LMF1: variants seen among roughly 807,000 people sequenced by gnomAD.
The protein encoded by LMF1 is lipase maturation factor 1.
LMF1 carries 68 observed loss-of-function variants against 60.6 expected under a neutral mutation model. That is an observed-to-expected ratio of 1.12 (90% CI 0.92 to 1.37). The LOEUF (loss-of-function observed/expected upper bound fraction) is 1.37, where lower values mean the gene tolerates loss of function less well. LMF1 is among the 40% of genes most tolerant of loss of function. The probability of loss-of-function intolerance (pLI) is 0.00; values close to 1 mark genes in which losing one functional copy is unlikely to be tolerated. For missense variants in LMF1, 948 were observed against 767.2 expected, an observed-to-expected ratio of 1.24 and a Z score of -2.78; for synonymous variants, 418 against 324.7, an observed-to-expected ratio of 1.29 and a Z score of -3.09.
At position 870,819 on chromosome 16, in the gene LMF1, G is replaced by A. The variant is rs1408203743; in HGVS notation, c.1142C>T (p.Pro381Leu). The A allele has an allele frequency of 6.2e-7, 1 of 1,612,552 alleles. No homozygotes were observed. The highest frequency in any genetic ancestry group is 1.7e-5 in the Admixed American group (1 of 60,024). The change falls in exon 8 of 11, where the codon CCC (proline) becomes CTC (leucine). Residue 381 changes from proline (P) to leucine (L), a missense_variant. Transcript: ENST00000262301. Reference sequence around the variant, plus strand: ...GGAGCTCAGCAAGTTGAGGACCACGGGCACGCTGAGCCAGGCCAGCAGGAC... The same window carrying A: ...GGAGCTCAGCAAGTTGAGGACCACGAGCACGCTGAGCCAGGCCAGCAGGAC... ...LGVLLAWLSV[P>L]VVLNLLSSRQ...
chr16:968,460 C>T (rs761386564), intron 1 of LMF1: 1 of 152,126 alleles, frequency 6.6e-6, no homozygotes, highest in Non-Finnish European at 1.5e-5. Flanking sequence ...TTTGGAGAGC[C>T]CCTATGGCAA....
rs58833625 is a variant in LMF1, at chr16:857,215, G to A, written c.1530-2509C>T. Among the ~76,000 whole-genome samples, 518 of 152,338 alleles carry A rather than the reference G, an allele frequency of 3.4e-3. 2 individuals carry two copies. Among genetic ancestry groups the A allele is most frequent in the African/African-American group, 0.011 (445 of 41,560 alleles). On this transcript the variant is annotated intron_variant, in intron 10 of 10. Transcript: ENST00000262301. ...GCAGTTTTTGTCTGTGACGGCTGCCGTAAACCTCTGCACGGGTTTCTGCGT... is the reference window on the plus strand; with the variant it reads ...GCAGTTTTTGTCTGTGACGGCTGCCATAAACCTCTGCACGGGTTTCTGCGT...
intron 4 of LMF1, among the ~76,000 whole-genome samples, chr16:905,936 TG>T (rs1240752977): frequency 2.0e-5 from 3 of 152,216 alleles, no homozygotes; most frequent in Admixed American, 1.3e-4. Context: ...TTAATTTTTT[TG>T]TGTGTCCTAA....
At position 954,469 on chromosome 16, in the gene LMF1, G is replaced by T. The variant is rs777212924; in HGVS notation, c.391C>A (p.Leu131Ile). 18 of 1,612,812 alleles carry T rather than the reference G, an allele frequency of 1.1e-5. No individual in the cohort carries two copies. The highest frequency in any genetic ancestry group is 1.5e-5 in the Non-Finnish European group (18 of 1,179,556). The change falls in exon 2 of 11, where the codon CTT (leucine) becomes ATT (isoleucine). Residue 131 changes from leucine (L) to isoleucine (I), a missense_variant. By Grantham distance (5) the Leu-to-Ile change is conservative. Coordinates refer to ENST00000262301, the MANE Select transcript of LMF1 (RefSeq NM_022773.4). ...DMNSNLDLLA[L>I]LGLGISSFVL... is the part of the protein sequence containing the mutation. ...AAAGACGAGATGCCCAGTCCGAGAA[G>T]AGCCAGCAAGTCCAGGTTGGAGTTC...
At position 859,925 on chromosome 16, in the gene LMF1, C is replaced by T. The variant is rs113594858; in HGVS notation, c.1530-5219G>A. 5.5e-4 allele frequency among the ~76,000 whole-genome samples: 17 copies of T among 30,868 alleles called. 2 individuals carry two copies. Among genetic ancestry groups the T allele is most frequent in the African/African-American group, 2.1e-3 (11 of 5,132 alleles). The allele number at this position is 30,868 out of a possible 152,430, so 20.3% of individuals were successfully genotyped here. On this transcript the variant is annotated intron_variant, in intron 10 of 10. Coordinates refer to ENST00000262301, the MANE Select transcript of LMF1 (RefSeq NM_022773.4). ...TGGGTGTGCAGTGGTGTCACGGGAT[C>T]GGTGTGAGTGGTGTCACGGGATGGG...
intron 2 of LMF1, among the ~76,000 whole-genome samples, chr16:948,072 T>C: frequency 1.0e-5 from 1 of 99,376 alleles, no homozygotes; most frequent in Admixed American, 1.2e-4. Context: ...AACGACAGAC[T>C]TAGAGACAAC....
At chr16:870,618 G>T in intron 8 of LMF1, 111 bp downstream of exon 8, 1 of 1,285,618 alleles carries the variant, frequency 7.8e-7, no homozygotes, top group Non-Finnish European at 1.1e-6. Flanking sequence ...GTGGGGCAGG[G>T]GACACTTGGG....
intron 2 of LMF1, among the ~76,000 whole-genome samples, chr16:945,084 G>A (rs1002881289): frequency 6.6e-6 from 1 of 151,800 alleles, no homozygotes; most frequent in Non-Finnish European, 1.5e-5. Context: ...GGTGGCAGAT[G>A]CCTATAATCC....
At chr16:954,271 G>T (rs2151476644) in intron 2 of LMF1, 86 bp downstream of exon 2, 2 of 1,329,996 alleles carry the variant, frequency 1.5e-6, no homozygotes, top group East Asian at 2.5e-5. Context: ...CGCTCGTCCA[G>T]TCTTTCCAAG....
chr16:942,715 ATGT>A, intron 2 of LMF1, among the ~76,000 whole-genome samples: 1 of 139,106 alleles, frequency 7.2e-6, no homozygotes. Flanking sequence ...AATCACATGT[ATGT>A]TAGACCACCT....
chr16:904,376 C>T (rs1186335578), intron 4 of LMF1, among the ~76,000 whole-genome samples: 7 of 87,566 alleles, frequency 8.0e-5, no homozygotes, highest in Admixed American at 1.3e-4. Flanking sequence ...GTCTCTGCTG[C>T]GTGGGGTGAC....
At chr16:865,781 C>G (rs759297283) in intron 10 of LMF1, among the ~76,000 whole-genome samples, 3 of 152,200 alleles carry the variant, frequency 2.0e-5, no homozygotes, top group Non-Finnish European at 4.4e-5. Flanking sequence ...GACATGAATT[C>G]TGGATCTTCT....
At chr16:948,345 GC>G (rs1340074649) in intron 2 of LMF1, among the ~76,000 whole-genome samples, 5 of 150,388 alleles carry the variant, frequency 3.3e-5, no homozygotes, top group African/African-American at 4.9e-5. Flanking sequence ...CAGAGTCAGA[GC>G]CAATGACAGA....
chr16:976,643 C>G, intron 1 of LMF1: 1 of 454,092 alleles, frequency 2.2e-6, no homozygotes, highest in Non-Finnish European at 4.4e-6. Flanking sequence ...CTGTTGGCGC[C>G]CCCCACCCCC....
rs182510439 is a variant in LMF1, at chr16:860,160, C to G, written c.1530-5454G>C. On this transcript the variant is annotated intron_variant, in intron 10 of 10. Transcript: ENST00000262301. ...TTTTAGACTATTGTCAGATACGTGA[C>G]TTGCAAATATTTTCTGTCTGTAGCT... Among the ~76,000 whole-genome samples, 568 of 152,152 alleles carry G rather than the reference C, an allele frequency of 3.7e-3. 4 individuals carry two copies. The highest frequency in any genetic ancestry group is 0.013 in the African/African-American group (553 of 41,468).
chr16:908,563 C>T (rs966545956), intron 4 of LMF1, among the ~76,000 whole-genome samples: 5 of 152,228 alleles, frequency 3.3e-5, no homozygotes, highest in African/African-American at 9.6e-5. Flanking sequence ...GGGGCCTGCT[C>T]GTGCCCTCGA....
intron 6 of LMF1, among the ~76,000 whole-genome samples, chr16:876,276 T>C (rs1271941185): frequency 6.6e-6 from 1 of 152,176 alleles, no homozygotes; most frequent in African/African-American, 2.4e-5. Context: ...GGCTGCACAA[T>C]GCTTCCCACT....
At chr16:936,656 C>A (rs781616338) in intron 2 of LMF1, among the ~76,000 whole-genome samples, 7 of 152,216 alleles carry the variant, frequency 4.6e-5, no homozygotes, top group Non-Finnish European at 8.8e-5. Flanking sequence ...TCCCTGCCCC[C>A]CTTTCCGTGA....
chr16:978,751 CAG>C (rs1201493023), intron 1 of LMF1, among the ~76,000 whole-genome samples: 1 of 152,080 alleles, frequency 6.6e-6, no homozygotes, highest in Non-Finnish European at 1.5e-5. Context: ...GGATGGGAGA[CAG>C]GGGAGGAGGG....
Sources: allele counts gnomAD v4.1 joint callset (sites outside exome capture counted in the v4.1 genomes callset), GRCh38; gene constraint gnomAD v4.1.1; transcripts MANE v1.5; gene names NCBI Gene and HGNC (gene_info 2026-07-23, HGNC 2026-07-21).